The following EIF4E3 variants were observed in gnomAD, a reference collection of about 807,000 sequenced individuals.
EIF4E3 encodes the protein eukaryotic translation initiation factor 4E family member 3.
In EIF4E3, 26 loss-of-function variants were observed where a neutral mutation model predicts 31.7. The ratio of observed to expected loss-of-function variants is 0.82; its 90% CI spans 0.60 to 1.14. EIF4E3 has a LOEUF of 1.14. EIF4E3 is among the 50% of genes most tolerant of loss of function. The pLI is 0.00. For synonymous variants in EIF4E3, 128 were observed against 107.7 expected, an observed-to-expected ratio of 1.19 and a Z score of -1.17; for missense variants, 304 against 270.9, an observed-to-expected ratio of 1.12 and a Z score of -0.86.
At chr3:71,711,595 T>A (rs779814112) in intron 1 of EIF4E3, among the ~76,000 whole-genome samples, 13 of 152,188 alleles carry the variant, frequency 8.5e-5, no homozygotes, top group Admixed American at 3.9e-4. Flanking sequence ...CAAAGGCCCA[T>A]GCCCAGGTTG....
rs2048879585 is a variant in EIF4E3, at chr3:71,677,008, G to T, written c.*7674C>A. The T allele has an allele frequency of 6.6e-6, 1 of 152,172 alleles. No individual in the cohort carries two copies. Among genetic ancestry groups the T allele is most frequent in the South Asian group, 2.1e-4 (1 of 4,830 alleles). The allele number at this position is 152,172 out of a possible 1,614,324, so 9.4% of individuals were successfully genotyped here. On this transcript the variant is annotated 3_prime_UTR_variant, in exon 7 of 7. Coordinates refer to ENST00000425534, the MANE Select transcript of EIF4E3 (RefSeq NM_001134651.2). ...TTTCCTGAGTTAAAGAGGAAATTGG[G>T]GAGTAAGAGCTTGTCCACATCTTTA... is the stretch of plus-strand genomic sequence containing the variant.
In EIF4E3 at chr3:71,707,618, C is replaced by G. The variant is rs570836808; in HGVS notation, c.249+2794G>C. On this transcript the variant is annotated intron_variant, in intron 2 of 6. Coordinates refer to ENST00000425534, the MANE Select transcript of EIF4E3 (RefSeq NM_001134651.2). ...TCAGCCATTTTTTTCACTGTTCCCC[C>G]CTTAGGCCCTAAAAGAACCCTTTTT... Among the ~76,000 whole-genome samples, 27 of 152,228 alleles carry G rather than the reference C, an allele frequency of 1.8e-4. No homozygotes were observed. The South Asian group carries it at 3.1e-3, about 18-fold the overall frequency.
chr3:71,739,921 T>C (rs1345583193), intron 1 of EIF4E3, among the ~76,000 whole-genome samples: 3 of 151,756 alleles, frequency 2.0e-5, no homozygotes, highest in Non-Finnish European at 4.4e-5. Context: ...AAAAGAAAAA[T>C]CTATGACAAT....
At position 71,684,525 on chromosome 3, in the gene EIF4E3, C is replaced by G; in HGVS notation, c.*157G>C. On this transcript the variant is annotated 3_prime_UTR_variant, in exon 7 of 7. Coordinates refer to ENST00000425534, the MANE Select transcript of EIF4E3 (RefSeq NM_001134651.2). ...CCCACACAATCTCCCCCCACCCCAC[C>G]TGCCACTTTGAGTCCTAATTGCCCA... The G allele has an allele frequency of 1.6e-6, 1 of 641,434 alleles. No homozygotes were observed. 39.7% of individuals were successfully genotyped at this position (641,434 alleles called of 1,614,324 possible).
chr3:71,671,637 C>T (rs2048848164), downstream of EIF4E3, among the ~76,000 whole-genome samples: 1 of 152,146 alleles, frequency 6.6e-6, no homozygotes, highest in Non-Finnish European at 1.5e-5. Flanking sequence ...CCATCCCTCG[C>T]CTCATTCCCT....
At position 71,684,645 on chromosome 3, in the gene EIF4E3, A is replaced by C. The variant is rs1264902685; in HGVS notation, c.*37T>G. 6.2e-7 allele frequency: 1 copy of C among 1,613,118 alleles called. No individual in the cohort carries two copies. Among genetic ancestry groups the C allele is most frequent in the Non-Finnish European group, 8.5e-7 (1 of 1,179,580 alleles). ...TCCTGTTAAGACCGTTTCCAAAACC[A>C]ATCAGCAAAGGACAAAGAATTCTTT... On this transcript the variant is annotated 3_prime_UTR_variant, in exon 7 of 7. Coordinates refer to ENST00000425534, the MANE Select transcript of EIF4E3 (RefSeq NM_001134651.2).
At chr3:71,711,584 C>T (rs796825382) in intron 1 of EIF4E3, among the ~76,000 whole-genome samples, 2 of 152,312 alleles carry the variant, frequency 1.3e-5, no homozygotes, top group African/African-American at 4.8e-5. Context: ...GGAGGCAATG[C>T]CAAAGGCCCA....
At chr3:71,703,122 T>G (rs892434428) in intron 2 of EIF4E3, among the ~76,000 whole-genome samples, 1 of 152,230 alleles carries the variant, frequency 6.6e-6, no homozygotes, top group Non-Finnish European at 1.5e-5. Context: ...CCAAAAGCCT[T>G]GATAATCACC....
chr3:71,725,363 G>T lies in EIF4E3; in HGVS notation c.5C>A (p.Ala2Glu). The T allele has an allele frequency of 5.1e-6, 5 of 977,074 alleles. No individual in the cohort carries two copies. Among genetic ancestry groups the T allele is most frequent in the South Asian group, 4.6e-5 (1 of 21,814 alleles). The allele number at this position is 977,074 out of a possible 1,614,324, so 60.5% of individuals were successfully genotyped here. A position where few individuals can be genotyped will look rare whatever the true frequency, so the allele number is the denominator to read the frequency against. Residue 2 changes from alanine (A) to glutamate (E), a missense_variant, in exon 1 of 7, where the codon GCG becomes GAG. Ala to Glu is a moderately radical substitution (Grantham distance 107, BLOSUM62 -1). Transcript: ENST00000425534. This position sits in a 1 kb window ranked among gnomAD's most constrained non-coding sequence, Gnocchi z 6.1. ...GGGGGGCGCGGCGGCCGGGGGCAGC[G>T]CCATTTTCTCCGCCCCGCCTGCAAG... MALPPAAAPPAG... is the reference protein window; with the variant it reads MELPPAAAPPAG...
In EIF4E3 at chr3:71,682,715, AG is replaced by A. The variant is rs1191694584; in HGVS notation, c.*1966del. 1 of 152,690 alleles carries A rather than the reference AG, an allele frequency of 6.5e-6. No homozygotes were observed. The highest frequency in any genetic ancestry group is 2.4e-5 in the African/African-American group (1 of 41,474). 9.5% of individuals were successfully genotyped at this position (152,690 alleles called of 1,614,324 possible). On this transcript the variant is annotated 3_prime_UTR_variant, in exon 7 of 7. Transcript: ENST00000425534. ...TGTTCCATGATCATAAACAGAAACT[AG>A]AAATATTAACGTGAGCCTAACATTC... is the stretch of plus-strand genomic sequence containing the variant.
At chr3:71,666,925 C>T in the EIF4E3 span, among the ~76,000 whole-genome samples, 1,592 of 151,968 alleles carry the variant, frequency 0.01, 51 homozygotes, top group East Asian at 0.12. Context: ...CACAACAGAG[C>T]GAGACTTGGT....
intron 1 of EIF4E3, among the ~76,000 whole-genome samples, chr3:71,749,052 CAGGTAAG>C (rs1334293206): frequency 6.6e-6 from 1 of 152,210 alleles, no homozygotes; most frequent in Admixed American, 6.5e-5. Context: ...TTTATATAGT[CAGGTAAG>C]AGCAAATATG....
intron 1 of EIF4E3, among the ~76,000 whole-genome samples, chr3:71,720,493 C>A (rs1245207284): frequency 6.6e-6 from 1 of 152,142 alleles, no homozygotes; most frequent in Non-Finnish European, 1.5e-5. Flanking sequence ...CCACATCCAG[C>A]CTAAGGGGTC....
At chr3:71,669,766 C>T in the EIF4E3 span, among the ~76,000 whole-genome samples, 8 of 151,954 alleles carry the variant, frequency 5.3e-5, no homozygotes, top group Non-Finnish European at 1.0e-4. Context: ...CTGGAGTCTC[C>T]ACATGGGCAG....
intron 2 of EIF4E3, among the ~76,000 whole-genome samples, chr3:71,701,281 G>C (rs1385955203): frequency 3.9e-5 from 6 of 152,186 alleles, no homozygotes; most frequent in African/African-American, 1.4e-4. Context: ...GCCAGGCTTT[G>C]TTCTATGAAC....
chr3:71,746,976 A>T (rs1029011255), intron 1 of EIF4E3, among the ~76,000 whole-genome samples: 4 of 152,238 alleles, frequency 2.6e-5, no homozygotes, highest in African/African-American at 9.6e-5. Flanking sequence ...TGTTATTATG[A>T]GTGAATAGTA....
upstream of EIF4E3, among the ~76,000 whole-genome samples, chr3:71,730,109 C>G (rs532947062): frequency 1.0e-3 from 155 of 152,216 alleles, no homozygotes; most frequent in African/African-American, 3.6e-3. Flanking sequence ...AAGCTTCCAG[C>G]AAAGGTGTGT....
At chr3:71,753,575 G>C (rs1240660811) in exon 1 of EIF4E3, 2 of 150,294 alleles carry the variant, frequency 1.3e-5, no homozygotes, top group Non-Finnish European at 3.0e-5. Flanking sequence ...CCGGGCCCAG[G>C]CGGTGCGGGA....
intron 6 of EIF4E3, among the ~76,000 whole-genome samples, chr3:71,689,301 C>T (rs1163441998): frequency 1.3e-5 from 2 of 152,130 alleles, no homozygotes; most frequent in Non-Finnish European, 2.9e-5. Flanking sequence ...GGGCTGTCGT[C>T]CTTTTCTCTA....
Sources: gnomAD v4.1 joint callset for allele counts (sites outside exome capture counted in the v4.1 genomes callset) on GRCh38, gnomAD v4.1.1 for gene constraint, Gnocchi (gnomAD v3.1) non-coding constraint, MANE v1.5 for transcripts, NCBI Gene and HGNC (gene_info 2026-07-23, HGNC 2026-07-21) for gene names.